Variants in CR1 observed in about 807,000 individuals in gnomAD.
CR1 encodes the protein complement receptor type 1.
A neutral mutation model predicts 187.3 loss-of-function variants in CR1; 116 were observed. The ratio of observed to expected loss-of-function variants is 0.62; its 90% CI spans 0.53 to 0.72. CR1 has a LOEUF of 0.72. Ranked by LOEUF, CR1 falls within the 30% of genes least tolerant of loss-of-function variation. The pLI is 0.00. For synonymous variants in CR1, 576 were observed against 747.1 expected, an observed-to-expected ratio of 0.77 and a Z score of 3.73; for missense variants, 1,731 against 2,110.7, an observed-to-expected ratio of 0.82 and a Z score of 3.52.
intron 46 of CR1, among the ~76,000 whole-genome samples, chr1:207,632,690 C>G (rs1329507988): frequency 6.7e-6 from 1 of 148,614 alleles, no homozygotes; most frequent in Admixed American, 6.8e-5. Context: ...CCCAGCTACT[C>G]GGGAGGCTGA....
intron 5 of CR1, among the ~76,000 whole-genome samples, chr1:207,524,354 T>C (rs779676125): frequency 1.3e-5 from 2 of 152,014 alleles, no homozygotes; most frequent in Non-Finnish European, 2.9e-5. Flanking sequence ...AAAACAAAGT[T>C]ATTAGGTAGT....
intron 35 of CR1, among the ~76,000 whole-genome samples, chr1:207,601,866 C>A (rs771569684): frequency 1.2e-4 from 18 of 151,798 alleles, no homozygotes; most frequent in Non-Finnish European, 2.5e-4. Flanking sequence ...TGTGGGTTGT[C>A]TTTTTAATCT....
At chr1:207,609,894 G>C (rs540681109) in intron 37 of CR1, among the ~76,000 whole-genome samples, 1 of 152,064 alleles carries the variant, frequency 6.6e-6, no homozygotes, top group African/African-American at 2.4e-5. Flanking sequence ...ATGCATTTTT[G>C]AATTTAACAT....
At chr1:207,599,164 T>C (rs1661535354) in intron 35 of CR1, among the ~76,000 whole-genome samples, 1 of 152,020 alleles carries the variant, frequency 6.6e-6, no homozygotes, top group Non-Finnish European at 1.5e-5. Flanking sequence ...GACAACCCGA[T>C]ATAAAAATGA....
At position 207,609,420 on chromosome 1, in the gene CR1, G is replaced by T; in HGVS notation, c.6027G>T (p.Glu2009Asp). Residue 2009 changes from glutamate to aspartate, a missense_variant, in exon 37 of 47, where the codon GAG becomes GAT. This residue lies in a region of CR1 where 1,312 missense variants were observed against 1,379.6 expected (regional missense o/e 0.95). Coordinates refer to ENST00000367049, the MANE Select transcript of CR1 (RefSeq NM_000651.6). ...GACCAGATGGAGAACAGCTGTTTGA[G>T]CTTGTGGGAGAACGGTCAATATATT... ...HTGPDGEQLF[E>D]LVGERSIYCT... 1 of 1,613,968 alleles carries T rather than the reference G, an allele frequency of 6.2e-7. No individual in the cohort carries two copies. The highest frequency in any genetic ancestry group is 8.5e-7 in the Non-Finnish European group (1 of 1,179,888).
rs745691346 is a variant in CR1 at position 207,639,527 on chromosome 1, C to T, written c.*118C>T. Reference sequence around the variant, plus strand: ...AGTCTTTGAAGTGACTTCACAGAGACGCAGACATGTGCACTTGAAGATGCT... The same window carrying T: ...AGTCTTTGAAGTGACTTCACAGAGATGCAGACATGTGCACTTGAAGATGCT... On this transcript the variant is annotated 3_prime_UTR_variant, in exon 47 of 47. Transcript: ENST00000367049. 2.7e-5 allele frequency: 26 copies of T among 966,664 alleles called. No homozygotes were observed. The highest frequency in any genetic ancestry group is 1.8e-4 in the African/African-American group (11 of 61,330). 59.9% of individuals were successfully genotyped at this position (966,664 alleles called of 1,614,324 possible). A position where few individuals can be genotyped will look rare whatever the true frequency, so the allele number is the denominator to read the frequency against.
chr1:207,632,554 C>G (rs1025900451), intron 46 of CR1, among the ~76,000 whole-genome samples: 2 of 152,010 alleles, frequency 1.3e-5, no homozygotes, highest in Non-Finnish European at 2.9e-5. Flanking sequence ...TTTGGGCGGC[C>G]GAGGCGAGTG....
chr1:207,588,780 T>C lies in CR1; in HGVS notation c.5810+6T>C, dbSNP rs777154082. The C allele has an allele frequency of 1.3e-6, 2 of 1,579,730 alleles. No homozygotes were observed. Among genetic ancestry groups the C allele is most frequent in the Non-Finnish European group, 1.7e-6 (2 of 1,153,308 alleles). ...AATTATTCTTGTAATGAAGGGTGAG[T>C]TGAGAATACCATCTCTTGAATATGA... On this transcript the variant is annotated splice_donor_region_variant and intron_variant, in intron 35 of 46. Coordinates refer to ENST00000367049, the MANE Select transcript of CR1 (RefSeq NM_000651.6).
chr1:207,521,781 G>C (rs1429750944), intron 4 of CR1, among the ~76,000 whole-genome samples: 8 of 146,410 alleles, frequency 5.5e-5, no homozygotes, highest in Admixed American at 1.4e-4. Flanking sequence ...ATGCAGGTGT[G>C]CACCACCACA....
At chr1:207,503,587 T>C (rs1167697870) in intron 1 of CR1, among the ~76,000 whole-genome samples, 1 of 152,200 alleles carries the variant, frequency 6.6e-6, no homozygotes, top group Non-Finnish European at 1.5e-5. Flanking sequence ...AATATCCTTC[T>C]TCTGTCTCCT....
intron 5 of CR1, among the ~76,000 whole-genome samples, chr1:207,525,086 C>T (rs12729446): frequency 0.021 from 3,247 of 151,968 alleles, 65 homozygotes; most frequent in Non-Finnish European, 0.029. Flanking sequence ...GGCAGAGGTG[C>T]TACACACTTT....
rs56407544 is a variant in CR1, at chr1:207,617,837, C to G, written c.6890-234C>G. On this transcript the variant is annotated intron_variant, in intron 41 of 46. Coordinates refer to ENST00000367049, the MANE Select transcript of CR1 (RefSeq NM_000651.6). ...CTTGTCGATCCCTGTGGTACTCCCC[C>G]ATCTGATCTAGTTTGAAGTTAGAGA... Among the ~76,000 whole-genome samples, 449 of 151,662 alleles carry G rather than the reference C, an allele frequency of 3.0e-3. 1 individual carries two copies. Among genetic ancestry groups the G allele is most frequent in the Non-Finnish European group, 5.2e-3 (356 of 67,892 alleles).
Position 207,511,651 on chromosome 1 carries a change from G to C in CR1, c.484G>C (p.Asp162His), listed in dbSNP as rs1354035846. 6.2e-7 allele frequency: 1 copy of C among 1,611,770 alleles called. No individual in the cohort carries two copies. The highest frequency in any genetic ancestry group is 8.5e-7 in the Non-Finnish European group (1 of 1,178,314). ...TTGGGATAATGAAACACCTATTTGT[G>C]ACAGTGAGTTGAAATATCCCTTCCT... The part of the protein sequence containing the change: ...VIWDNETPIC[D>H]RIPCGLPPTI... Residue 162 changes from aspartate (D) to histidine (H), a missense_variant, in exon 4 of 47, where the codon GAC becomes CAC. Physicochemically the swap from Asp to His is moderately conservative, Grantham distance 81. Around this residue, in one of 5 missense-constraint regions of CR1, gnomAD observed 237 missense variants for 240.4 expected, o/e 0.99. Transcript: ENST00000367049.
intron 35 of CR1, among the ~76,000 whole-genome samples, chr1:207,594,772 T>C (rs1661377504): frequency 6.6e-6 from 1 of 152,158 alleles, no homozygotes; most frequent in African/African-American, 2.4e-5. Context: ...GCCTGGACGA[T>C]TTAAACTGCT....
At chr1:207,609,722 G>A (rs1335744462) in intron 37 of CR1, 34 bp downstream of exon 37, 11 of 1,527,568 alleles carry the variant, frequency 7.2e-6, no homozygotes, top group Non-Finnish European at 5.3e-6. Context: ...TGCTGGGTGT[G>A]AGGGTACGTA....
At chr1:207,506,931 G>C in intron 3 of CR1, 118 bp downstream of exon 3, 1 of 768,856 alleles carries the variant, frequency 1.3e-6, no homozygotes, top group Non-Finnish European at 2.1e-6. Flanking sequence ...CTCTTTAACG[G>C]CTTCAACACA....
intron 36 of CR1, 60 bp downstream of exon 36, chr1:207,607,396 T>C: frequency 7.9e-7 from 1 of 1,266,824 alleles, no homozygotes; most frequent in Non-Finnish European, 1.2e-6. Context: ...GCCCCTGGAG[T>C]ACAAAGAATA....
At chr1:207,625,508 C>A (rs1271345753) in intron 45 of CR1, among the ~76,000 whole-genome samples, 1 of 152,216 alleles carries the variant, frequency 6.6e-6, no homozygotes, top group Non-Finnish European at 1.5e-5. Context: ...CTGATGTGTT[C>A]TTCCTGCCTG....
intron 35 of CR1, chr1:207,598,841 CT>C (rs1661525206): frequency 6.6e-6 from 1 of 152,228 alleles, no homozygotes; most frequent in Non-Finnish European, 1.5e-5. Flanking sequence ...CACATGTACT[CT>C]TACCTAAAGA....
Sources: allele counts gnomAD v4.1 joint callset (sites outside exome capture counted in the v4.1 genomes callset), GRCh38; gene constraint gnomAD v4.1.1; regional missense constraint gnomAD v4.1.1; transcripts MANE v1.5; gene names NCBI Gene and HGNC (gene_info 2026-07-23, HGNC 2026-07-21).